The following WIPI2 variants were observed in gnomAD, a reference collection of about 807,000 sequenced individuals.
WIPI2 encodes the protein WD repeat domain, phosphoinositide interacting 2.
A neutral mutation model predicts 52.3 loss-of-function variants in WIPI2; 28 were observed. The ratio of observed to expected loss-of-function variants is 0.54; its 90% confidence interval spans 0.40 to 0.73. The LOEUF is 0.73. Ranked by LOEUF, WIPI2 falls within the 30% of genes least tolerant of loss-of-function variation. The probability of loss-of-function intolerance (pLI) is 0.00; values close to 1 mark genes in which losing one functional copy is unlikely to be tolerated. For synonymous variants in WIPI2, 268 were observed against 245.0 expected, an observed-to-expected ratio of 1.09 and a Z score of -0.88; for missense variants, 506 against 602.9, an observed-to-expected ratio of 0.84 and a Z score of 1.68.
Position 5,232,590 on chromosome 7 carries a change from G to A in WIPI2, c.*1643G>A, listed in dbSNP as rs1583603999. ...AGTGGGGACCGCCGAGGCCAGAGTGGGCTATGCTTGAGCAGGGATGAGAAG... is the reference window on the plus strand; with the variant it reads ...AGTGGGGACCGCCGAGGCCAGAGTGAGCTATGCTTGAGCAGGGATGAGAAG... On this transcript the variant is annotated 3_prime_UTR_variant, in exon 13 of 13. Coordinates refer to ENST00000288828, the MANE Select transcript of WIPI2 (RefSeq NM_015610.4). 3 of 340,870 alleles carry A rather than the reference G, an allele frequency of 8.8e-6. No homozygotes were observed. Among genetic ancestry groups the A allele is most frequent in the Non-Finnish European group, 1.6e-5 (3 of 190,058 alleles). The allele number at this position is 340,870 out of a possible 1,614,324, so 21.1% of individuals were successfully genotyped here. A position where few individuals can be genotyped will look rare whatever the true frequency, so the allele number is the denominator to read the frequency against.
intron 3 of WIPI2, among the ~76,000 whole-genome samples, chr7:5,204,839 G>T (rs896996174): frequency 6.6e-5 from 10 of 152,116 alleles, no homozygotes; most frequent in African/African-American, 2.4e-4. Context: ...ACACCACCAT[G>T]CCCAGCTAAT....
chr7:5,216,062 G>C (rs1782794659), intron 4 of WIPI2: 1 of 154,466 alleles, frequency 6.5e-6, no homozygotes, highest in South Asian at 2.0e-4. Flanking sequence ...ATTCCCAGTA[G>C]AGATGGGGTG....
At chr7:5,213,298 A>C (rs187910727) in intron 3 of WIPI2, 1 of 152,388 alleles carries the variant, frequency 6.6e-6, no homozygotes, top group Admixed American at 6.5e-5. Context: ...TTTCTGGTAA[A>C]AGCAACTGAA....
At chr7:5,226,930 G>A (rs1025946276) in intron 9 of WIPI2, 6 of 507,932 alleles carry the variant, frequency 1.2e-5, no homozygotes, top group African/African-American at 7.7e-5. Context: ...CAGCTGCCAC[G>A]TCTTGTCCGT....
chr7:5,191,242 A>G (rs1342296003), intron 1 of WIPI2, among the ~76,000 whole-genome samples: 6 of 152,084 alleles, frequency 3.9e-5, no homozygotes, highest in Admixed American at 3.9e-4. Context: ...GGCTGGTCTC[A>G]AATTCCTGAC....
chr7:5,193,992 G>T (rs1180817050), intron 2 of WIPI2, among the ~76,000 whole-genome samples: 1 of 152,214 alleles, frequency 6.6e-6, no homozygotes, highest in Non-Finnish European at 1.5e-5. Flanking sequence ...TCCAACAGCA[G>T]TGACCAGTGG....
intron 2 of WIPI2, among the ~76,000 whole-genome samples, chr7:5,199,110 A>G (rs765247921): frequency 6.6e-6 from 1 of 152,098 alleles, no homozygotes; most frequent in African/African-American, 2.4e-5. Context: ...TGCAGCCTCA[A>G]CCTCCTGTCC....
chr7:5,204,137 C>A (rs572463511), intron 3 of WIPI2, among the ~76,000 whole-genome samples: 263 of 152,274 alleles, frequency 1.7e-3, no homozygotes, highest in African/African-American at 4.7e-3. Flanking sequence ...AGTGATTGTT[C>A]TGGGTATGCG....
chr7:5,221,153 G>A (rs1783105697), intron 7 of WIPI2, among the ~76,000 whole-genome samples: 1 of 152,018 alleles, frequency 6.6e-6, no homozygotes, highest in Admixed American at 6.6e-5. Context: ...AGTAGAGACG[G>A]GGTTTCACCA....
chr7:5,227,130 T>TC lies in WIPI2; in HGVS notation c.849-44dup. On this transcript the variant is annotated intron_variant, in intron 9 of 12. Coordinates refer to ENST00000288828, the MANE Select transcript of WIPI2 (RefSeq NM_015610.4). This position sits in a 1 kb window ranked among gnomAD's most constrained non-coding sequence, Gnocchi z 8.1. ...CGTCTGTGTGAGTAGGGGGTGGCCG[T>TC]CCCCCCAGGGAGGGTGCAGCTTCAT... 6.2e-7 allele frequency: 1 copy of TC among 1,604,882 alleles called. No individual in the cohort carries two copies. The highest frequency in any genetic ancestry group is 8.5e-7 in the Non-Finnish European group (1 of 1,175,366).
intron 8 of WIPI2, 22 bp downstream of exon 8, chr7:5,222,694 A>T: frequency 5.0e-6 from 8 of 1,606,076 alleles, no homozygotes; most frequent in Non-Finnish European, 6.8e-6. Flanking sequence ...GAATGTCCAG[A>T]ATGGATTCTG....
chr7:5,209,532 C>A (rs1182325854), intron 3 of WIPI2, among the ~76,000 whole-genome samples: 1 of 152,158 alleles, frequency 6.6e-6, no homozygotes, highest in Non-Finnish European at 1.5e-5. Context: ...TTTTCTGCAT[C>A]TGTTGGGTTG....
chr7:5,213,425 G>A (rs527547181), intron 3 of WIPI2: 1 of 152,814 alleles, frequency 6.5e-6, no homozygotes, highest in Non-Finnish European at 1.5e-5. Context: ...GGGGCCGCGG[G>A]TGCGAGGGTG....
intron 11 of WIPI2, chr7:5,229,261 C>T (rs1173760480): frequency 2.7e-5 from 5 of 187,372 alleles, no homozygotes; most frequent in African/African-American, 7.1e-5. Context: ...GTGATCCGCC[C>T]GCCTCAGCCT....
In WIPI2 at chr7:5,227,094, C is replaced by G; in HGVS notation, c.849-86C>G. 6.5e-7 allele frequency: 1 copy of G among 1,548,098 alleles called. No homozygotes were observed. The highest frequency in any genetic ancestry group is 8.8e-7 in the Non-Finnish European group (1 of 1,140,410). ...AGAATGGAGACTTTTGCTGTCGGCT[C>G]CAGAGCTGTGCGTCTGTGTGAGTAG... On this transcript the variant is annotated intron_variant, in intron 9 of 12. Coordinates refer to ENST00000288828, the MANE Select transcript of WIPI2 (RefSeq NM_015610.4). This position sits in a 1 kb window ranked among gnomAD's most constrained non-coding sequence, Gnocchi z 8.1.
chr7:5,198,049 C>T (rs978038403), intron 2 of WIPI2, among the ~76,000 whole-genome samples: 12 of 152,330 alleles, frequency 7.9e-5, no homozygotes, highest in Admixed American at 5.9e-4. Flanking sequence ...TGAGCCTCCT[C>T]GCAGAAGCGG....
At chr7:5,223,700 C>T (rs553803839) in intron 8 of WIPI2, among the ~76,000 whole-genome samples, 1 of 152,186 alleles carries the variant, frequency 6.6e-6, no homozygotes, top group South Asian at 2.1e-4. Flanking sequence ...TGCCCGTATT[C>T]CTCCTGCCTG....
chr7:5,213,683 GTTGT>G (rs138342291), intron 3 of WIPI2, among the ~76,000 whole-genome samples: 125,558 of 151,710 alleles, frequency 0.83, 51,893 homozygotes, highest in East Asian at 0.95. Flanking sequence ...TGTTGTTGTT[GTTGT>G]TGTTGTTGTT....
chr7:5,204,339 C>T (rs570299140), intron 3 of WIPI2, among the ~76,000 whole-genome samples: 1 of 152,246 alleles, frequency 6.6e-6, no homozygotes, highest in South Asian at 2.1e-4. Context: ...TGGTGGCGCG[C>T]TCCTGTAATC....
Sources: allele counts gnomAD v4.1 joint callset (sites outside exome capture counted in the v4.1 genomes callset), GRCh38; gene constraint gnomAD v4.1.1; non-coding constraint Gnocchi (gnomAD v3.1); transcripts MANE v1.5; gene names NCBI Gene and HGNC (gene_info 2026-07-23, HGNC 2026-07-21).